Variants in PIK3R3 observed in about 807,000 individuals in gnomAD.
PIK3R3 encodes the protein phosphatidylinositol 3-kinase regulatory subunit gamma.
PIK3R3 carries 64 observed loss-of-function variants against 62.9 expected under a neutral mutation model. That is an observed-to-expected ratio of 1.02 (90% confidence interval 0.83 to 1.25). The LOEUF is 1.25. PIK3R3 is among the 50% of genes most tolerant of loss of function. PIK3R3 has a pLI of 0.00. For missense variants in PIK3R3, 614 were observed against 561.6 expected (o/e 1.09, Z -0.94); for synonymous variants, 165 against 189.0 (o/e 0.87, Z 1.04).
chr1:46,168,106 A>C, the PIK3R3 span, among the ~76,000 whole-genome samples: 1 of 152,158 alleles, frequency 6.6e-6, no homozygotes, highest in Non-Finnish European at 1.5e-5. Context: ...AGCCTAGATC[A>C]CACCACTGCA....
intron 1 of PIK3R3, among the ~76,000 whole-genome samples, chr1:46,083,943 G>T (rs950442408): frequency 1.3e-5 from 2 of 152,006 alleles, no homozygotes; most frequent in East Asian, 3.9e-4. Flanking sequence ...AAAGAAGCAT[G>T]TATCTACACA....
intron 6 of PIK3R3, 80 bp from the exon 7 acceptor site, chr1:46,056,051 C>A: frequency 2.2e-6 from 2 of 894,486 alleles, no homozygotes; most frequent in South Asian, 1.8e-5. Flanking sequence ...GTCCTAATAT[C>A]CTTTTTTTTT....
the PIK3R3 span, among the ~76,000 whole-genome samples, chr1:46,142,244 C>T: frequency 1.1e-4 from 16 of 152,172 alleles, no homozygotes. Flanking sequence ...CCTGTCTATC[C>T]AAATGCCTAC....
rs773472193 is a variant in PIK3R3, at chr1:46,045,958, G to A, written c.1147C>T (p.Arg383Cys). The change falls in exon 9 of 10, where the codon CGT (arginine) becomes TGT (cysteine). Residue 383 changes from arginine to cysteine, a missense_variant. By Grantham distance (180) the Arg-to-Cys change is radical. Transcript: ENST00000262741. ...TAGCATCCTTTCTTGCTACTCTCAC[G>A]AATTAAGAATGCACCATCAGGTTTC... ...YGKPDGAFLI[R>C]ESSKKGCYAC... 4 of 1,613,418 alleles carry A rather than the reference G, an allele frequency of 2.5e-6. No homozygotes were observed. Among genetic ancestry groups the A allele is most frequent in the Admixed American group, 3.3e-5 (2 of 59,950 alleles).
intron 6 of PIK3R3, among the ~76,000 whole-genome samples, chr1:46,061,589 G>A (rs113679657): frequency 2.6e-5 from 4 of 152,218 alleles, no homozygotes; most frequent in South Asian, 2.1e-4. Flanking sequence ...TTGAGTGGGC[G>A]TGGCATTCAG....
At chr1:46,166,415 G>A in the PIK3R3 span, among the ~76,000 whole-genome samples, 2 of 151,684 alleles carry the variant, frequency 1.3e-5, no homozygotes, top group Non-Finnish European at 2.9e-5. Context: ...TAGAGACGGG[G>A]TTTCACCATG....
chr1:46,102,963 A>C (rs1292667563), intron 1 of PIK3R3, among the ~76,000 whole-genome samples: 1 of 152,234 alleles, frequency 6.6e-6, no homozygotes, highest in African/African-American at 2.4e-5. Flanking sequence ...AATGTGGTAT[A>C]TACATAAAGG....
chr1:46,131,698 G>A (rs1655609423), intron 1 of PIK3R3, 149 bp downstream of exon 1: 1 of 555,934 alleles, frequency 1.8e-6, no homozygotes, highest in Admixed American at 2.2e-5. Context: ...GTGTAAACCA[G>A]AAGCAGTTTT....
chr1:46,166,789 G>C, the PIK3R3 span, among the ~76,000 whole-genome samples: 2 of 152,198 alleles, frequency 1.3e-5, no homozygotes, highest in African/African-American at 4.8e-5. Flanking sequence ...CAAGACAATG[G>C]AGCCGCTTTC....
At chr1:46,130,346 T>C (rs956037690) in intron 1 of PIK3R3, among the ~76,000 whole-genome samples, 2 of 152,142 alleles carry the variant, frequency 1.3e-5, no homozygotes, top group Non-Finnish European at 2.9e-5. Context: ...GCTTTACCGT[T>C]AGGGGGAAAC....
chr1:46,089,732 A>G (rs936406603), intron 1 of PIK3R3, among the ~76,000 whole-genome samples: 2 of 151,636 alleles, frequency 1.3e-5, no homozygotes, highest in Non-Finnish European at 2.9e-5. Flanking sequence ...AAAAAAAAAG[A>G]AAGGATGCAA....
At chr1:46,112,848 T>C (rs1653856750) in intron 1 of PIK3R3, among the ~76,000 whole-genome samples, 1 of 152,184 alleles carries the variant, frequency 6.6e-6, no homozygotes, top group South Asian at 2.1e-4. Context: ...CCCTCATTTT[T>C]ATGTAAGAGG....
At chr1:46,091,433 G>C (rs1057157151) in intron 1 of PIK3R3, among the ~76,000 whole-genome samples, 4 of 151,820 alleles carry the variant, frequency 2.6e-5, no homozygotes, top group Non-Finnish European at 5.9e-5. Flanking sequence ...GAGCCACCAT[G>C]CCTGGCCCAT....
intron 2 of PIK3R3, among the ~76,000 whole-genome samples, chr1:46,080,420 G>A (rs552614727): frequency 6.7e-6 from 1 of 149,220 alleles, no homozygotes; most frequent in Non-Finnish European, 1.5e-5. Flanking sequence ...TTTTTTTTGA[G>A]AGTTGGGGGT....
intron 1 of PIK3R3, among the ~76,000 whole-genome samples, chr1:46,109,885 G>C (rs1002955083): frequency 6.6e-6 from 1 of 152,046 alleles, no homozygotes; most frequent in African/African-American, 2.4e-5. Context: ...CCACATACAG[G>C]ATAAAGTTCA....
rs545748720 is a variant in PIK3R3, at chr1:46,067,165, C to T, written c.315-74G>A. 1.8e-5 allele frequency: 21 copies of T among 1,139,620 alleles called. No individual in the cohort carries two copies. In the South Asian group the frequency reaches 2.6e-4, roughly 14 times the overall value. The allele number at this position is 1,139,620 out of a possible 1,614,324, so 70.6% of individuals were successfully genotyped here. On this transcript the variant is annotated intron_variant, in intron 3 of 9. Transcript: ENST00000262741. Reference sequence around the variant, plus strand: ...CTGAACTACTGCTTTCATATGGAGACGTGAAAGCTTGGTGTCACATGATAA... The same window carrying T: ...CTGAACTACTGCTTTCATATGGAGATGTGAAAGCTTGGTGTCACATGATAA...
At position 46,077,547 on chromosome 1, in the gene PIK3R3, TG is replaced by T; in HGVS notation, c.281del (p.Thr94LysfsTer9). 1.2e-6 allele frequency: 2 copies of T among 1,612,346 alleles called. No individual in the cohort carries two copies. Among genetic ancestry groups the T allele is most frequent in the Non-Finnish European group, 1.7e-6 (2 of 1,178,398 alleles). Reference protein sequence around the residue: ...DGTFLVRDASTKMQGDYTLTL... With the variant: ...DGTFLVRDASXKMQGDYTLTL... The stretch of plus-strand genomic sequence containing the variant: ...TCAAAGTATAATCTCCCTGCATTTT[TG>T]TTGAGGCATCTCGGACCAAGAAGGT... On this transcript the variant is annotated frameshift_variant, in exon 3 of 10. Coordinates refer to ENST00000262741, the MANE Select transcript of PIK3R3 (RefSeq NM_003629.4). LOFTEE classifies it high-confidence loss of function.
At chr1:46,149,877 G>A in the PIK3R3 span, among the ~76,000 whole-genome samples, 23 of 152,254 alleles carry the variant, frequency 1.5e-4, no homozygotes, top group African/African-American at 3.9e-4. Context: ...CAGGAAATCC[G>A]TGTAAACTCA....
intron 7 of PIK3R3, among the ~76,000 whole-genome samples, chr1:46,053,989 A>G (rs1430916776): frequency 6.6e-6 from 1 of 152,182 alleles, no homozygotes; most frequent in South Asian, 2.1e-4. Context: ...TCAGTATGCT[A>G]TATACACTTG....
Sources: allele counts gnomAD v4.1 joint callset (sites outside exome capture counted in the v4.1 genomes callset), GRCh38; gene constraint gnomAD v4.1.1; transcripts MANE v1.5; gene names NCBI Gene and HGNC (gene_info 2026-07-23, HGNC 2026-07-21).